LRRC7: variants seen among roughly 807,000 people sequenced by gnomAD.
The protein encoded by LRRC7 is leucine rich repeat containing 7, also known as leucine-rich repeat-containing protein 7.
A neutral mutation model predicts 175.7 loss-of-function variants in LRRC7; 23 were observed. That is an observed-to-expected ratio of 0.13 (90% CI 0.09 to 0.19). The LOEUF is 0.19. Among genes scored for constraint, LRRC7 ranks in the 10% least tolerant of loss-of-function variants. The pLI is 1.00. For missense variants in LRRC7, 1,354 were observed against 1,904.7 expected (o/e 0.71, Z 5.38); for synonymous variants, 685 against 680.9 (o/e 1.01, Z -0.09).
chr1:69,649,836 A>G (rs1655525890), intron 1 of LRRC7, among the ~76,000 whole-genome samples: 1 of 148,764 alleles, frequency 6.7e-6, no homozygotes, highest in Admixed American at 6.8e-5. Flanking sequence ...AGATGGCTTA[A>G]AGAATCAAAG....
At chr1:69,726,045 A>ACAG (rs1470425613) in intron 2 of LRRC7, among the ~76,000 whole-genome samples, 1 of 152,240 alleles carries the variant, frequency 6.6e-6, no homozygotes, top group Non-Finnish European at 1.5e-5. Flanking sequence ...GAAAGATGGA[A>ACAG]CAGCAGAAGA....
intron 8 of LRRC7, among the ~76,000 whole-genome samples, chr1:69,939,363 T>C (rs1383490364): frequency 6.6e-6 from 1 of 151,930 alleles, no homozygotes; most frequent in African/African-American, 2.4e-5. Flanking sequence ...ATTCTAGTTA[T>C]GTGGAAAAAC....
intron 8 of LRRC7, among the ~76,000 whole-genome samples, chr1:69,967,305 G>A (rs1651763371): frequency 6.6e-6 from 1 of 152,062 alleles, no homozygotes; most frequent in African/African-American, 2.4e-5. Context: ...ACCTGCCCAA[G>A]TAAAGTCTGA....
In LRRC7 at chr1:70,039,113, G is replaced by T. The variant is rs370148025; in HGVS notation, c.3289G>T (p.Val1097Leu). ...PPPFQHNPEY[V>L]QQASKNIAKD... ...CCCTTTTCAACACAATCCCGAGTAC[G>T]TGCAACAGGCCAGCAAAAACATCGC... The change falls in exon 21 of 27, where the codon GTG becomes TTG. Residue 1097 changes from valine (V) to leucine (L), a missense_variant. Coordinates refer to ENST00000651989, the MANE Select transcript of LRRC7 (RefSeq NM_001370785.2). 6.2e-7 allele frequency: 1 copy of T among 1,614,084 alleles called. No homozygotes were observed. The highest frequency in any genetic ancestry group is 1.7e-5 in the Admixed American group (1 of 60,018).
At chr1:69,999,628 C>T (rs891424099) in intron 11 of LRRC7, among the ~76,000 whole-genome samples, 3 of 152,146 alleles carry the variant, frequency 2.0e-5, no homozygotes, top group African/African-American at 7.2e-5. Context: ...TGGAAGTATC[C>T]ACTCAAAATT....
intron 7 of LRRC7, among the ~76,000 whole-genome samples, chr1:69,839,666 A>C (rs1681509396): frequency 6.6e-6 from 1 of 152,088 alleles, no homozygotes; most frequent in Admixed American, 6.6e-5. Flanking sequence ...ACCTAAATAT[A>C]TACATTTAGG....
At chr1:69,823,595 G>GTA (rs1388111854) in intron 4 of LRRC7, among the ~76,000 whole-genome samples, 2 of 152,004 alleles carry the variant, frequency 1.3e-5, no homozygotes, top group Non-Finnish European at 2.9e-5. Flanking sequence ...TATATTCACA[G>GTA]TATATATATT....
chr1:69,852,745 G>A (rs943833167), intron 7 of LRRC7, among the ~76,000 whole-genome samples: 1 of 152,018 alleles, frequency 6.6e-6, no homozygotes, highest in Non-Finnish European at 1.5e-5. Context: ...TCAACTTTGG[G>A]TATATTCTTA....
intron 7 of LRRC7, among the ~76,000 whole-genome samples, chr1:69,869,295 A>T (rs571696715): frequency 6.6e-6 from 1 of 152,282 alleles, no homozygotes; most frequent in Admixed American, 6.5e-5. Context: ...AGGAAATAAA[A>T]TTGGCACAGG....
Position 70,053,073 on chromosome 1 carries a change from A to T in LRRC7, c.4158A>T (p.Val1386=), listed in dbSNP as rs777225378. 2 of 1,611,592 alleles carry T rather than the reference A, an allele frequency of 1.2e-6. No individual in the cohort carries two copies. Among genetic ancestry groups the T allele is most frequent in the South Asian group, 2.2e-5 (2 of 90,518 alleles). The part of the protein sequence containing the change: ...SNILDNGQED[V]SPSGQWNPYP... ...TTTTAGACAATGGACAAGAAGATGT[A>T]TCTCCTAGTGGCCAATGGAATCCTT... Residue 1386 remains valine, a synonymous_variant, in exon 23 of 27, where the codon GTA becomes GTT. Coordinates refer to ENST00000651989, the MANE Select transcript of LRRC7 (RefSeq NM_001370785.2).
At chr1:69,940,151 CAGAGATA>C (rs1648560601) in intron 8 of LRRC7, among the ~76,000 whole-genome samples, 1 of 152,134 alleles carries the variant, frequency 6.6e-6, no homozygotes, top group African/African-American at 2.4e-5. Flanking sequence ...AAACTAATTA[CAGAGATA>C]CTTCTTTCAG....
At chr1:69,706,436 A>T (rs1664050695) in intron 2 of LRRC7, among the ~76,000 whole-genome samples, 1 of 152,170 alleles carries the variant, frequency 6.6e-6, no homozygotes, top group African/African-American at 2.4e-5. Context: ...ATTCTCATTC[A>T]TGCAGCCTTT....
intron 8 of LRRC7, among the ~76,000 whole-genome samples, chr1:69,962,580 T>C (rs1651208958): frequency 6.6e-6 from 1 of 152,198 alleles, no homozygotes; most frequent in African/African-American, 2.4e-5. Context: ...GGTATCAACC[T>C]ATATTCCCAT....
intron 2 of LRRC7, among the ~76,000 whole-genome samples, chr1:69,744,014 T>C (rs1025229267): frequency 6.6e-6 from 1 of 151,540 alleles, no homozygotes; most frequent in Non-Finnish European, 1.5e-5. Context: ...CAATTCTGTC[T>C]ATTGTAATTT....
intron 7 of LRRC7, among the ~76,000 whole-genome samples, chr1:69,923,804 T>G (rs1318454989): frequency 1.1e-4 from 17 of 152,206 alleles, no homozygotes; most frequent in East Asian, 3.9e-4. Context: ...CTCTTTAGTT[T>G]AATTATATCC....
intron 1 of LRRC7, among the ~76,000 whole-genome samples, chr1:69,642,181 A>T (rs1280534143): frequency 6.6e-6 from 1 of 152,002 alleles, no homozygotes; most frequent in African/African-American, 2.4e-5. Flanking sequence ...GTTATAACTA[A>T]ATTTTCTTTT....
intron 8 of LRRC7, 97 bp downstream of exon 8, chr1:69,931,667 T>G (rs1389972691): frequency 2.1e-5 from 20 of 940,942 alleles, no homozygotes; most frequent in Non-Finnish European, 2.8e-5. Context: ...TGATTGCACG[T>G]TTGCATTTGC....
At chr1:70,084,750 C>T (rs957518918) in intron 24 of LRRC7, among the ~76,000 whole-genome samples, 1 of 152,116 alleles carries the variant, frequency 6.6e-6, no homozygotes, top group African/African-American at 2.4e-5. Context: ...AAAGTGGTTA[C>T]AACATATTAA....
rs566219249 is a variant in LRRC7 at position 69,654,658 on chromosome 1, C to A, written c.3-23723C>A. On this transcript the variant is annotated intron_variant, in intron 1 of 26. Coordinates refer to ENST00000651989, the MANE Select transcript of LRRC7 (RefSeq NM_001370785.2). ...AATCCAGCTTCTTAATTTTAAAAAC[C>A]CATTTTTGAATCTTTTTTCTATAAG... Among the ~76,000 whole-genome samples the A allele has an allele frequency of 5.3e-5, 8 of 152,026 alleles. No individual in the cohort carries two copies. In the East Asian group the frequency reaches 1.5e-3, roughly 29 times the overall value.
Sources: gnomAD v4.1 joint callset for allele counts (sites outside exome capture counted in the v4.1 genomes callset) on GRCh38, gnomAD v4.1.1 for gene constraint, MANE v1.5 for transcripts, NCBI Gene and HGNC (gene_info 2026-07-23, HGNC 2026-07-21) for gene names.